The following ARHGEF33 variants were observed in gnomAD, a reference collection of about 807,000 sequenced individuals.
ARHGEF33 encodes Rho guanine nucleotide exchange factor 33, also known as DH and coiled-coil domain-containing protein ENSP00000381780.
A neutral mutation model predicts 101.9 loss-of-function variants in ARHGEF33; 72 were observed. The observed-to-expected ratio is 0.71, with a 90% confidence interval of 0.58 to 0.86. The LOEUF (loss-of-function observed/expected upper bound fraction) is 0.86. Among genes scored for constraint, ARHGEF33 ranks in the 40% least tolerant of loss-of-function variants. The pLI, the probability that ARHGEF33 is intolerant of heterozygous loss-of-function variation, is 0.00. For synonymous variants in ARHGEF33, 499 were observed against 442.5 expected (o/e 1.13, Z -1.60); for missense variants, 1,169 against 1,111.3 (o/e 1.05, Z -0.74).
intron 2 of ARHGEF33, among the ~76,000 whole-genome samples, chr2:38,915,391 T>G (rs1666608325): frequency 6.7e-6 from 1 of 149,590 alleles, no homozygotes; most frequent in Non-Finnish European, 1.5e-5. Flanking sequence ...ACTTTTTTTT[T>G]TTTTTTTTTT....
intron 13 of ARHGEF33, 26 bp from the exon 14 acceptor site, chr2:38,956,873 G>A (rs1225177875): frequency 6.4e-7 from 1 of 1,550,866 alleles, no homozygotes; most frequent in East Asian, 2.4e-5. Context: ...ATTATGCAAT[G>A]CTACTTCCTT....
At chr2:38,944,361 T>G (rs796481154) in intron 10 of ARHGEF33, among the ~76,000 whole-genome samples, 3 of 152,218 alleles carry the variant, frequency 2.0e-5, no homozygotes, top group African/African-American at 7.2e-5. Flanking sequence ...CATTGCAGCC[T>G]TACATGGCAG....
rs1328811480 is a variant in ARHGEF33, at chr2:38,929,676, C to T, written c.241-33C>T. 2.6e-6 allele frequency: 4 copies of T among 1,539,392 alleles called. No homozygotes were observed. In the East Asian group the frequency reaches 7.4e-5, roughly 28 times the overall value. On this transcript the variant is annotated intron_variant, in intron 5 of 17. Transcript: ENST00000409978. ...ATGTTATATACTTTTACCCCATGTA[C>T]CACGTTAAAACATAGCAATTCTTAT... is the stretch of plus-strand genomic sequence containing the variant.
At chr2:38,892,972 T>TAAC (rs1666038260) in intron 1 of ARHGEF33, among the ~76,000 whole-genome samples, 2 of 152,174 alleles carry the variant, frequency 1.3e-5, no homozygotes, top group Admixed American at 1.3e-4. Context: ...GTGATCTTGT[T>TAAC]ATACCTCTGC....
At chr2:38,898,483 C>G (rs2124978330) in intron 2 of ARHGEF33, among the ~76,000 whole-genome samples, 1 of 152,302 alleles carries the variant, frequency 6.6e-6, no homozygotes, top group African/African-American at 2.4e-5. Flanking sequence ...CGTGACTTCC[C>G]ATTGACCCTT....
chr2:38,935,478 C>A (rs1333019606), intron 7 of ARHGEF33, among the ~76,000 whole-genome samples: 5 of 152,112 alleles, frequency 3.3e-5, no homozygotes, highest in Admixed American at 2.6e-4. Flanking sequence ...CTGCCACCAC[C>A]ATTATAGTTA....
rs1263879221 is a variant in ARHGEF33 at position 38,958,199 on chromosome 2, G to T, written c.1535+1G>T. On this transcript the variant is annotated splice_donor_variant, in intron 15 of 17. Transcript: ENST00000409978. LOFTEE classifies it high-confidence loss of function. ...CTCCCAGTTCTGGCCCTGCCATCAC[G>T]TAAGCACCTGTTGCTGTGGGAAGGT... The T allele has an allele frequency of 6.4e-7, 1 of 1,551,448 alleles. No individual in the cohort carries two copies. The highest frequency in any genetic ancestry group is 8.7e-7 in the Non-Finnish European group (1 of 1,146,982).
In ARHGEF33 at chr2:38,953,270, A is replaced by T. The variant is rs1439323644; in HGVS notation, c.1137+25A>T. Reference sequence around the variant, plus strand: ...GGTGAGTTAACGCCATATATATGCTATCCTTCATCTGCACATGGCATCATA... The same window carrying T: ...GGTGAGTTAACGCCATATATATGCTTTCCTTCATCTGCACATGGCATCATA... On this transcript the variant is annotated intron_variant, in intron 12 of 17. Coordinates refer to ENST00000409978, the MANE Select transcript of ARHGEF33 (RefSeq NM_001145451.5). The T allele has an allele frequency of 4.0e-6, 5 of 1,243,544 alleles. No homozygotes were observed. In the East Asian group the frequency reaches 1.3e-4, roughly 31 times the overall value. The allele number at this position is 1,243,544 out of a possible 1,614,324, so 77.0% of individuals were successfully genotyped here.
chr2:38,973,692 T>TA, intron 17 of ARHGEF33, 22 bp from the exon 18 acceptor site: 1 of 1,509,210 alleles, frequency 6.6e-7, no homozygotes, highest in Non-Finnish European at 8.9e-7. Flanking sequence ...ACCTGTACTT[T>TA]ATCTGTGTGC....
chr2:38,899,779 G>C (rs1358037166), intron 2 of ARHGEF33, among the ~76,000 whole-genome samples: 1 of 152,034 alleles, frequency 6.6e-6, no homozygotes, highest in Non-Finnish European at 1.5e-5. Context: ...ATTCTATGTT[G>C]TATGCATATA....
In ARHGEF33 at chr2:38,960,079, G is replaced by A; in HGVS notation, c.1774G>A (p.Glu592Lys). ...TCCGGCGGAGCCGCTGGGCAACGTGGAGCGCTCCCTGCGCGCCCCGGCCGA... is the reference window on the plus strand; with the variant it reads ...TCCGGCGGAGCCGCTGGGCAACGTGAAGCGCTCCCTGCGCGCCCCGGCCGA... ...SSPAEPLGNV[E>K]RSLRAPAELL... Residue 592 changes from glutamate (E) to lysine (K), a missense_variant, in exon 16 of 18, where the codon GAG becomes AAG. Glu to Lys is a moderately conservative substitution (Grantham distance 56, BLOSUM62 1). Transcript: ENST00000409978. 6.5e-7 allele frequency: 1 copy of A among 1,542,328 alleles called. No homozygotes were observed. Among genetic ancestry groups the A allele is most frequent in the Non-Finnish European group, 8.7e-7 (1 of 1,144,118 alleles).
At chr2:38,894,157 A>C (rs2124975628) in intron 1 of ARHGEF33, among the ~76,000 whole-genome samples, 1 of 152,026 alleles carries the variant, frequency 6.6e-6, no homozygotes, top group African/African-American at 2.4e-5. Context: ...CATCTCTACC[A>C]AAAACAAAAA....
chr2:38,938,838 CTT>C lies in ARHGEF33; in HGVS notation c.790+1282_790+1283del, dbSNP rs934838057. ...TGTAAATGGAATAACACAGTGTACT[CTT>C]TTGTGTCTGGCCTCTTTCTCCCAAC... On this transcript the variant is annotated intron_variant, in intron 9 of 17. Transcript: ENST00000409978. 9.7e-4 allele frequency among the ~76,000 whole-genome samples: 147 copies of C among 152,322 alleles called. 1 individual carries two copies. Among genetic ancestry groups the C allele is most frequent in the African/African-American group, 3.2e-3 (131 of 41,570 alleles).
In ARHGEF33 at chr2:38,931,085, C is replaced by A. The variant is rs188513984; in HGVS notation, c.363-24C>A. ...ATCAGATATTAAGAACCAGAATAGC[C>A]TTGTCTTTGTTTCTCTTTCCTAGGA... On this transcript the variant is annotated intron_variant, in intron 6 of 17. Coordinates refer to ENST00000409978, the MANE Select transcript of ARHGEF33 (RefSeq NM_001145451.5). The A allele has an allele frequency of 1.0e-4, 158 of 1,534,268 alleles. No individual in the cohort carries two copies. In the African/African-American group the frequency reaches 1.8e-3, roughly 18 times the overall value.
At chr2:38,929,590 T>C (rs1558431436) in intron 5 of ARHGEF33, 119 bp from the exon 6 acceptor site, 2 of 784,316 alleles carry the variant, frequency 2.5e-6, no homozygotes, top group Non-Finnish European at 1.8e-6. Context: ...TTTTTTAATC[T>C]CTCATTCATT....
chr2:38,915,318 GC>G (rs746083990), intron 2 of ARHGEF33, among the ~76,000 whole-genome samples: 3 of 151,818 alleles, frequency 2.0e-5, no homozygotes, highest in Admixed American at 6.6e-5. Context: ...TTAAGTAGAG[GC>G]GTTATAGTTG....
In ARHGEF33 at chr2:38,897,677, C is replaced by T. The variant is rs145028604; in HGVS notation, c.-86+1828C>T. Among the ~76,000 whole-genome samples, 452 of 152,230 alleles carry T rather than the reference C, an allele frequency of 3.0e-3. 5 individuals carry two copies. Among genetic ancestry groups the T allele is most frequent in the African/African-American group, 9.7e-3 (404 of 41,528 alleles). On this transcript the variant is annotated intron_variant, in intron 2 of 17. Transcript: ENST00000409978. ...GATCCCTGAACTTGTAGAAGTGAGA[C>T]TTTTAAATTTATAGTTTGATAGAAA...
chr2:38,916,382 G>A (rs1055947393), intron 2 of ARHGEF33, among the ~76,000 whole-genome samples: 1 of 152,172 alleles, frequency 6.6e-6, no homozygotes, highest in African/African-American at 2.4e-5. Context: ...GAAGAACTTG[G>A]ATAGAATAAT....
chr2:38,908,868 C>T lies in ARHGEF33; in HGVS notation c.-85-10495C>T, dbSNP rs540021707. Among the ~76,000 whole-genome samples the T allele has an allele frequency of 4.0e-4, 61 of 152,246 alleles. 1 individual carries two copies. In the East Asian group the frequency reaches 0.012, roughly 29 times the overall value. On this transcript the variant is annotated intron_variant, in intron 2 of 17. Coordinates refer to ENST00000409978, the MANE Select transcript of ARHGEF33 (RefSeq NM_001145451.5). ...CTTTGCTTGTTAAAATAAAATAGGC[C>T]TTTTTTCCTAATAAAAATAATCTTC...
Sources: allele counts gnomAD v4.1 joint callset (sites outside exome capture counted in the v4.1 genomes callset), GRCh38; gene constraint gnomAD v4.1.1; transcripts MANE v1.5; gene names NCBI Gene and HGNC (gene_info 2026-07-23, HGNC 2026-07-21).